Variants in ARHGEF26 observed in about 807,000 individuals in gnomAD.
The protein encoded by ARHGEF26 is Rho guanine nucleotide exchange factor (GEF) 26.
In ARHGEF26, 59 loss-of-function variants were observed where a neutral mutation model predicts 89.4. The observed-to-expected ratio is 0.66, with a 90% CI of 0.54 to 0.82. The LOEUF (loss-of-function observed/expected upper bound fraction) is 0.82. Ranked by LOEUF, ARHGEF26 falls within the 40% of genes least tolerant of loss-of-function variation. The pLI, the probability that ARHGEF26 is intolerant of heterozygous loss-of-function variation, is 0.00. For missense variants in ARHGEF26, 1,234 were observed against 1,085.6 expected, an observed-to-expected ratio of 1.14 and a Z score of -1.92; for synonymous variants, 500 against 428.4, an observed-to-expected ratio of 1.17 and a Z score of -2.06.
intron 6 of ARHGEF26, among the ~76,000 whole-genome samples, chr3:154,167,324 C>G (rs1191080944): frequency 6.6e-6 from 1 of 152,168 alleles, no homozygotes; most frequent in African/African-American, 2.4e-5. Context: ...TAAACACACA[C>G]AGAACAGATG....
intron 4 of ARHGEF26, among the ~76,000 whole-genome samples, chr3:154,143,469 A>G (rs1259391571): frequency 6.6e-6 from 1 of 152,160 alleles, no homozygotes. Context: ...CTCCTCAAAT[A>G]AGTGGATGTT....
At chr3:154,138,622 A>G (rs1052502017) in intron 4 of ARHGEF26, among the ~76,000 whole-genome samples, 1 of 152,220 alleles carries the variant, frequency 6.6e-6, no homozygotes, top group African/African-American at 2.4e-5. Context: ...AGGTGCTCCA[A>G]GAAAGCAGGA....
intron 6 of ARHGEF26, among the ~76,000 whole-genome samples, chr3:154,187,452 T>C (rs1469137849): frequency 2.0e-5 from 3 of 146,826 alleles, no homozygotes; most frequent in African/African-American, 7.5e-5. Flanking sequence ...TGCCTCAGCC[T>C]CCCAAAGTGC....
At chr3:154,135,158 C>T (rs1362084744) in intron 4 of ARHGEF26, among the ~76,000 whole-genome samples, 1 of 151,916 alleles carries the variant, frequency 6.6e-6, no homozygotes, top group African/African-American at 2.4e-5. Context: ...GGAATGGTAC[C>T]AGTTCTTTTT....
chr3:154,212,766 C>CAGG lies in ARHGEF26; in HGVS notation c.1846-5093_1846-5091dup, dbSNP rs1318418477. Among the ~76,000 whole-genome samples, 7 of 152,080 alleles carry CAGG rather than the reference C, an allele frequency of 4.6e-5. No individual in the cohort carries two copies. In the East Asian group the frequency reaches 9.6e-4, roughly 21 times the overall value. On this transcript the variant is annotated intron_variant, in intron 9 of 14. Transcript: ENST00000465093. ...GAATCCAGTGCTGTGACTGATCTGA[C>CAGG]AGGAGGAGGAGGCAGAGCTCAGCCA... is the stretch of plus-strand genomic sequence containing the variant.
chr3:154,202,938 C>G (rs1017038786), intron 9 of ARHGEF26, among the ~76,000 whole-genome samples: 4 of 152,140 alleles, frequency 2.6e-5, no homozygotes, highest in African/African-American at 9.7e-5. Flanking sequence ...ATCATGTCAT[C>G]TGCAAACAGG....
chr3:154,218,534 C>A (rs935608272), intron 10 of ARHGEF26, among the ~76,000 whole-genome samples: 5 of 152,118 alleles, frequency 3.3e-5, no homozygotes, highest in Non-Finnish European at 2.9e-5. Flanking sequence ...TAGGTCATGG[C>A]CATTCTTTTG....
chr3:154,217,968 T>C lies in ARHGEF26; in HGVS notation c.1935+10T>C. The C allele has an allele frequency of 1.3e-6, 2 of 1,566,080 alleles. No individual in the cohort carries two copies. The highest frequency in any genetic ancestry group is 1.7e-4 in the Middle Eastern group (1 of 6,010). Reference sequence around the variant, plus strand: ...GGAATTTAAAATTAAGGTATTCTCGTACCTTGTTCATTACTGTTCTTGCCT... The same window carrying C: ...GGAATTTAAAATTAAGGTATTCTCGCACCTTGTTCATTACTGTTCTTGCCT... On this transcript the variant is annotated intron_variant, in intron 10 of 14. Coordinates refer to ENST00000465093, the MANE Select transcript of ARHGEF26 (RefSeq NM_015595.4).
intron 5 of ARHGEF26, among the ~76,000 whole-genome samples, chr3:154,151,427 A>G (rs1720010419): frequency 6.6e-6 from 1 of 152,232 alleles, no homozygotes; most frequent in Admixed American, 6.5e-5. Context: ...GCTGTTGCAA[A>G]TATTTTAAGT....
chr3:154,121,655 C>G (rs1717924635), intron 1 of ARHGEF26, 136 bp downstream of exon 1: 2 of 289,396 alleles, frequency 6.9e-6, no homozygotes, highest in Non-Finnish European at 1.3e-5. Context: ...TTTCTTGTGC[C>G]TCGGCTTGCA....
chr3:154,204,753 ATTTCC>A lies in ARHGEF26; in HGVS notation c.1845+10038_1845+10042del, dbSNP rs528526365. Among the ~76,000 whole-genome samples, 14 of 152,010 alleles carry A rather than the reference ATTTCC, an allele frequency of 9.2e-5. No individual in the cohort carries two copies. The East Asian group carries it at 2.7e-3, about 29-fold the overall frequency. ...ATCATTTGTTTCAAGAAATTTTTAC[ATTTCC>A]TTAATTTTTTCTTTAACCTACTGGT... On this transcript the variant is annotated intron_variant, in intron 9 of 14. Coordinates refer to ENST00000465093, the MANE Select transcript of ARHGEF26 (RefSeq NM_015595.4).
intron 11 of ARHGEF26, among the ~76,000 whole-genome samples, chr3:154,239,302 G>GTA (rs1717343427): frequency 2.5e-3 from 65 of 25,810 alleles, no homozygotes; most frequent in African/African-American, 6.8e-3. Flanking sequence ...GAGAGAGAGT[G>GTA]TGTGTGTGTG....
chr3:154,193,260 C>T (rs999264946), intron 8 of ARHGEF26, among the ~76,000 whole-genome samples: 2 of 152,146 alleles, frequency 1.3e-5, no homozygotes, highest in African/African-American at 2.4e-5. Context: ...GTACGTTGCT[C>T]ATAAAGTGGT....
intron 12 of ARHGEF26, among the ~76,000 whole-genome samples, chr3:154,250,933 G>GA (rs1314696572): frequency 2.6e-5 from 4 of 151,202 alleles, no homozygotes; most frequent in African/African-American, 9.8e-5. Flanking sequence ...ATTTCTTACA[G>GA]AACTATTGTA....
intron 8 of ARHGEF26, among the ~76,000 whole-genome samples, chr3:154,193,732 C>T (rs183396276): frequency 3.5e-4 from 53 of 152,104 alleles, no homozygotes; most frequent in Non-Finnish European, 6.0e-4. Flanking sequence ...TTAAATTTAC[C>T]GTGAATTGAC....
chr3:154,167,529 A>G (rs1015998786), intron 6 of ARHGEF26, among the ~76,000 whole-genome samples: 3 of 152,220 alleles, frequency 2.0e-5, no homozygotes, highest in Non-Finnish European at 4.4e-5. Flanking sequence ...ATGCCATACT[A>G]GTCACATGTT....
chr3:154,140,506 T>C (rs1203438467), intron 4 of ARHGEF26, among the ~76,000 whole-genome samples: 1 of 152,118 alleles, frequency 6.6e-6, no homozygotes, highest in African/African-American at 2.4e-5. Context: ...CTTTTTTTTC[T>C]TCTCATAAAT....
intron 9 of ARHGEF26, among the ~76,000 whole-genome samples, chr3:154,196,497 A>G (rs561152338): frequency 1.6e-4 from 24 of 152,232 alleles, no homozygotes; most frequent in African/African-American, 4.8e-4. Context: ...CTTTTAGTCA[A>G]TTTACATCGA....
rs183084124 is a variant in ARHGEF26 at position 154,149,474 on chromosome 3, A to G, written c.1326+29A>G. 2.2e-4 allele frequency: 346 copies of G among 1,587,052 alleles called. No individual in the cohort carries two copies. The East Asian group carries it at 7.4e-3, about 34-fold the overall frequency. On this transcript the variant is annotated intron_variant, in intron 5 of 14. Coordinates refer to ENST00000465093, the MANE Select transcript of ARHGEF26 (RefSeq NM_015595.4). ...TGTTTCTACCGAGCAGCTGCTTTAG[A>G]GCTCTGGAGTGTGCATGTCGGTGTC...
Sources: gnomAD v4.1 joint callset for allele counts (sites outside exome capture counted in the v4.1 genomes callset) on GRCh38, gnomAD v4.1.1 for gene constraint, MANE v1.5 for transcripts, NCBI Gene and HGNC (gene_info 2026-07-23, HGNC 2026-07-21) for gene names.